PREX1: variants seen among roughly 807,000 people sequenced by gnomAD.
The protein encoded by PREX1 is phosphatidylinositol 3,4,5-trisphosphate-dependent Rac exchanger 1 protein.
PREX1 carries 41 observed loss-of-function variants against 198.3 expected under a neutral mutation model. The ratio of observed to expected loss-of-function variants is 0.21; its 90% CI spans 0.16 to 0.27. PREX1 has a LOEUF of 0.27. PREX1 is among the 10% of genes least tolerant of loss of function. PREX1 has a pLI of 1.00. For synonymous variants in PREX1, 843 were observed against 887.2 expected (o/e 0.95, Z 0.89); for missense variants, 1,620 against 2,200.7 (o/e 0.74, Z 5.28).
rs542426676 is a variant in PREX1 at position 48,630,644 on chromosome 20, A to G, written c.4593+84T>C. 3.4e-4 allele frequency: 440 copies of G among 1,275,992 alleles called. 1 individual carries two copies. Among genetic ancestry groups the G allele is most frequent in the Non-Finnish European group, 4.3e-4 (386 of 889,160 alleles). 79.0% of individuals were successfully genotyped at this position (1,275,992 alleles called of 1,614,324 possible). Reference sequence around the variant, plus strand: ...TGGGGCTAGAATCTGCTGGGGCACAACCCTGGGCCTGTCTGCTGAGTCCTG... The same window carrying G: ...TGGGGCTAGAATCTGCTGGGGCACAGCCCTGGGCCTGTCTGCTGAGTCCTG... On this transcript the variant is annotated intron_variant, in intron 36 of 39. Coordinates refer to ENST00000371941, the MANE Select transcript of PREX1 (RefSeq NM_020820.4).
At chr20:48,748,564 G>A (rs1483254203) in intron 1 of PREX1, among the ~76,000 whole-genome samples, 1 of 151,924 alleles carries the variant, frequency 6.6e-6, no homozygotes, top group African/African-American at 2.4e-5. Flanking sequence ...ATATAGCTCA[G>A]AGATCCTTCC....
At position 48,666,288 on chromosome 20, in the gene PREX1, T is replaced by C. The variant is rs1276080796; in HGVS notation, c.1733A>G (p.His578Arg). The C allele has an allele frequency of 6.4e-7, 1 of 1,565,466 alleles. No individual in the cohort carries two copies. The highest frequency in any genetic ancestry group is 2.4e-5 in the East Asian group (1 of 41,704). The change falls in exon 15 of 40, where the codon CAC becomes CGC. Residue 578 changes from histidine (H) to arginine (R), a missense_variant. This residue lies in a region of PREX1 where 488 missense variants were observed against 802.5 expected (regional missense o/e 0.61). Coordinates refer to ENST00000371941, the MANE Select transcript of PREX1 (RefSeq NM_020820.4). The surrounding 1 kb of genome is among the most constrained non-coding windows in gnomAD (Gnocchi z 4.3). ...GVGLCNNGFM[H>R]HVLEKSEFRD... ...CTGCAGGTGGGGGTGGTTACCGTGG[T>C]GCATGAAGCCATTGTTGCACAGACC...
intron 1 of PREX1, among the ~76,000 whole-genome samples, chr20:48,796,973 G>A (rs1228500545): frequency 1.3e-5 from 2 of 151,916 alleles, no homozygotes; most frequent in South Asian, 4.2e-4. Context: ...ACACCCTCTG[G>A]GGTGCTGGCA....
chr20:48,660,068 A>G lies in PREX1; in HGVS notation c.1739-7T>C. ...AACTCGCTCTTCTCCAGCACTGCAGATCCACAGATGTGCACTCAGTGGTCA... is the reference window on the plus strand; with the variant it reads ...AACTCGCTCTTCTCCAGCACTGCAGGTCCACAGATGTGCACTCAGTGGTCA... On this transcript the variant is annotated splice_polypyrimidine_tract_variant and splice_region_variant and intron_variant, in intron 15 of 39. Coordinates refer to ENST00000371941, the MANE Select transcript of PREX1 (RefSeq NM_020820.4). The G allele has an allele frequency of 6.2e-7, 1 of 1,613,734 alleles. No homozygotes were observed.
intron 5 of PREX1, among the ~76,000 whole-genome samples, chr20:48,719,893 C>T (rs1318304970): frequency 6.6e-6 from 1 of 151,492 alleles, no homozygotes; most frequent in African/African-American, 2.4e-5. Context: ...TCAGAACCTT[C>T]CCATGGCTCC....
chr20:48,648,199 A>G (rs1233673924), intron 25 of PREX1, among the ~76,000 whole-genome samples: 1 of 152,140 alleles, frequency 6.6e-6, no homozygotes, highest in Non-Finnish European at 1.5e-5. Flanking sequence ...GAGCCACTGT[A>G]CCCAGCCCAC....
At chr20:48,805,621 G>T (rs1439785288) in intron 1 of PREX1, among the ~76,000 whole-genome samples, 1 of 152,154 alleles carries the variant, frequency 6.6e-6, no homozygotes, top group Admixed American at 6.5e-5. Context: ...GGTCTCCAGG[G>T]TCCCCTCAGC....
At chr20:48,887,837 T>C in the PREX1 span, among the ~76,000 whole-genome samples, 1 of 149,198 alleles carries the variant, frequency 6.7e-6, no homozygotes. Context: ...GTAGTTCCAG[T>C]TCCTGGGGAG....
At chr20:48,845,543 T>C in the PREX1 span, among the ~76,000 whole-genome samples, 10 of 151,836 alleles carry the variant, frequency 6.6e-5, 1 homozygote, top group African/African-American at 2.4e-4. Context: ...CTCTACAACA[T>C]ACAAAAAAAT....
At position 48,825,320 on chromosome 20, in the gene PREX1, C is replaced by T. The variant is rs1326290781; in HGVS notation, c.219+2322G>A. On this transcript the variant is annotated intron_variant, in intron 1 of 39. Transcript: ENST00000371941. ...AGAAAGGAAGCCCGGATTCCCCGCTCCTTGTTTCACAGGTGGGGAAACTGA... is the reference window on the plus strand; with the variant it reads ...AGAAAGGAAGCCCGGATTCCCCGCTTCTTGTTTCACAGGTGGGGAAACTGA... Among the ~76,000 whole-genome samples the T allele has an allele frequency of 3.3e-5, 5 of 152,130 alleles. No individual in the cohort carries two copies. In the East Asian group the frequency reaches 7.7e-4, roughly 23 times the overall value.
At chr20:48,687,921 TA>T (rs888518949) in intron 10 of PREX1, among the ~76,000 whole-genome samples, 1 of 152,164 alleles carries the variant, frequency 6.6e-6, no homozygotes, top group African/African-American at 2.4e-5. Flanking sequence ...GAGAAGTTTA[TA>T]GAAGCTTCCC....
chr20:48,854,479 T>C, the PREX1 span, among the ~76,000 whole-genome samples: 1 of 152,252 alleles, frequency 6.6e-6, no homozygotes, highest in Non-Finnish European at 1.5e-5. Context: ...GAGGATCACT[T>C]GAGCCCAGGA....
At chr20:48,822,868 C>G (rs1249706084) in intron 1 of PREX1, among the ~76,000 whole-genome samples, 2 of 152,104 alleles carry the variant, frequency 1.3e-5, no homozygotes, top group Non-Finnish European at 2.9e-5. Flanking sequence ...CGTGAAAATC[C>G]CCCCAAGTTA....
the PREX1 span, among the ~76,000 whole-genome samples, chr20:48,880,216 C>T: frequency 1.3e-5 from 2 of 152,152 alleles, no homozygotes; most frequent in African/African-American, 4.8e-5. Context: ...ACAAAGGACT[C>T]AAAGTGGTTT....
intron 7 of PREX1, among the ~76,000 whole-genome samples, chr20:48,699,923 C>T (rs1433847634): frequency 2.0e-5 from 3 of 152,192 alleles, no homozygotes; most frequent in Admixed American, 6.5e-5. Flanking sequence ...CTCACACACA[C>T]GTCAATTCCA....
chr20:48,696,076 C>T (rs2089843843), intron 7 of PREX1, among the ~76,000 whole-genome samples: 1 of 152,200 alleles, frequency 6.6e-6, no homozygotes, highest in Non-Finnish European at 1.5e-5. Context: ...ACTCTCCTTA[C>T]AGTATTTTTT....
chr20:48,703,410 T>G (rs979354159), intron 6 of PREX1, among the ~76,000 whole-genome samples: 2 of 152,050 alleles, frequency 1.3e-5, no homozygotes, highest in African/African-American at 4.8e-5. Flanking sequence ...AGCTTTCCAG[T>G]GAGGTAGCAG....
chr20:48,640,902 G>A (rs2089405008), intron 29 of PREX1, among the ~76,000 whole-genome samples: 1 of 148,422 alleles, frequency 6.7e-6, no homozygotes, highest in East Asian at 2.3e-4. Context: ...TGGGTGGGTG[G>A]ATGGATAGAT....
intron 33 of PREX1, 89 bp from the exon 34 acceptor site, chr20:48,632,728 C>A (rs2089325291): frequency 6.8e-7 from 1 of 1,480,288 alleles, no homozygotes; most frequent in African/African-American, 1.4e-5. Flanking sequence ...GCTGGCACCT[C>A]CCTGCCCCCA....
Sources: gnomAD v4.1 joint callset for allele counts (sites outside exome capture counted in the v4.1 genomes callset) on GRCh38, gnomAD v4.1.1 for gene constraint, gnomAD v4.1.1 regional missense constraint, Gnocchi (gnomAD v3.1) non-coding constraint, MANE v1.5 for transcripts, NCBI Gene and HGNC (gene_info 2026-07-23, HGNC 2026-07-21) for gene names.